PATJ: variants seen among roughly 807,000 people sequenced by gnomAD.
PATJ encodes inaD-like protein.
PATJ carries 190 observed loss-of-function variants against 224.9 expected under a neutral mutation model. The ratio of observed to expected loss-of-function variants is 0.84; its 90% CI spans 0.75 to 0.95. The LOEUF is 0.95. Ranked by LOEUF, PATJ falls within the 40% of genes least tolerant of loss-of-function variation. The pLI is 0.00. For missense variants in PATJ, 2,121 were observed against 2,270.3 expected (o/e 0.93, Z 1.34); for synonymous variants, 769 against 820.3 (o/e 0.94, Z 1.07).
At chr1:61,921,646 A>C (rs992905852) in intron 26 of PATJ, among the ~76,000 whole-genome samples, 1 of 152,206 alleles carries the variant, frequency 6.6e-6, no homozygotes, top group African/African-American at 2.4e-5. Context: ...TCAAGGGGGC[A>C]CTTGGGACTC....
intron 41 of PATJ, among the ~76,000 whole-genome samples, chr1:62,138,007 C>T (rs1223726950): frequency 6.6e-6 from 1 of 152,058 alleles, no homozygotes; most frequent in Non-Finnish European, 1.5e-5. Context: ...CTGTGGCCTC[C>T]CCCTCTTTGG....
chr1:62,139,664 C>T (rs1035843529), intron 41 of PATJ, among the ~76,000 whole-genome samples: 1 of 152,140 alleles, frequency 6.6e-6, no homozygotes, highest in Admixed American at 6.6e-5. Flanking sequence ...GAAGGTTTAA[C>T]TCTGCTGCCT....
At chr1:61,991,608 C>T in intron 28 of PATJ, 3 of 985,448 alleles carry the variant, frequency 3.0e-6, no homozygotes, top group Non-Finnish European at 3.6e-6. Flanking sequence ...ACCTTGGTTG[C>T]TTCTCCCCAC....
chr1:62,068,933 T>C (rs760611575), intron 31 of PATJ, among the ~76,000 whole-genome samples: 3 of 152,176 alleles, frequency 2.0e-5, no homozygotes, highest in African/African-American at 4.8e-5. Flanking sequence ...GTAAACACAT[T>C]AGAATGTCCC....
At position 61,769,409 on chromosome 1, in the gene PATJ, A is replaced by C; in HGVS notation, c.511A>C (p.Ser171Arg). The C allele has an allele frequency of 6.2e-7, 1 of 1,613,604 alleles. No individual in the cohort carries two copies. Among genetic ancestry groups the C allele is most frequent in the Non-Finnish European group, 8.5e-7 (1 of 1,179,888 alleles). The change falls in exon 5 of 44, where the codon AGT becomes CGT. Residue 171 changes from serine to arginine, a missense_variant. Transcript: ENST00000642238. ...DIFVKDVQPG[S>R]VADRDQRLKE... ...CTTCGTGAAGGATGTCCAGCCAGGG[A>C]GTGTAGCAGACAGGTGAGGAAGCTG...
At chr1:61,849,329 C>T (rs1366659908) in intron 17 of PATJ, among the ~76,000 whole-genome samples, 1 of 152,190 alleles carries the variant, frequency 6.6e-6, no homozygotes, top group Non-Finnish European at 1.5e-5. Flanking sequence ...GGCATAGTGG[C>T]TCATGCCTGT....
At chr1:61,993,990 G>T (rs1645211484) in intron 28 of PATJ, among the ~76,000 whole-genome samples, 1 of 151,986 alleles carries the variant, frequency 6.6e-6, no homozygotes, top group Non-Finnish European at 1.5e-5. Context: ...GATGGAATGA[G>T]CAAAAAGATT....
chr1:61,827,799 G>T (rs1174692356), intron 16 of PATJ, among the ~76,000 whole-genome samples: 1 of 152,124 alleles, frequency 6.6e-6, no homozygotes, highest in Non-Finnish European at 1.5e-5. Context: ...CAACATTGAT[G>T]CACATGGATT....
intron 43 of PATJ, among the ~76,000 whole-genome samples, chr1:62,154,070 A>G (rs1668908630): frequency 6.6e-6 from 1 of 151,842 alleles, no homozygotes; most frequent in South Asian, 2.1e-4. Context: ...TAATTTTTGT[A>G]TTTTTGGTAG....
chr1:61,902,330 G>A (rs988325823), intron 24 of PATJ, among the ~76,000 whole-genome samples: 2 of 151,624 alleles, frequency 1.3e-5, no homozygotes, highest in Admixed American at 6.6e-5. Context: ...GTGGGTATCT[G>A]TAATCCCATA....
chr1:61,880,251 A>G (rs1667912579), intron 21 of PATJ, among the ~76,000 whole-genome samples: 1 of 152,242 alleles, frequency 6.6e-6, no homozygotes, highest in Non-Finnish European at 1.5e-5. Context: ...TCCCAAGAAT[A>G]GGAACTTTGT....
chr1:61,853,911 T>G (rs932443492), intron 17 of PATJ, among the ~76,000 whole-genome samples: 5 of 152,134 alleles, frequency 3.3e-5, no homozygotes, highest in Non-Finnish European at 7.4e-5. Context: ...GTAAGAAAAT[T>G]TTGAAGAGTC....
chr1:61,950,683 A>G (rs1182753327), intron 27 of PATJ, among the ~76,000 whole-genome samples: 1 of 152,120 alleles, frequency 6.6e-6, no homozygotes, highest in Non-Finnish European at 1.5e-5. Flanking sequence ...TGTTCATTTC[A>G]CCAAATATTT....
At chr1:61,997,834 A>G (rs1645467708) in intron 28 of PATJ, among the ~76,000 whole-genome samples, 1 of 147,638 alleles carries the variant, frequency 6.8e-6, no homozygotes, top group Admixed American at 6.8e-5. Context: ...TAAAAAAAAA[A>G]AAGACAGGGT....
At chr1:62,103,234 T>A (rs1162406663) in intron 33 of PATJ, among the ~76,000 whole-genome samples, 1 of 152,156 alleles carries the variant, frequency 6.6e-6, no homozygotes, top group African/African-American at 2.4e-5. Context: ...GAGTACAGGC[T>A]TTGGTGTTAA....
At chr1:61,868,437 G>A (rs1665747596) in intron 20 of PATJ, among the ~76,000 whole-genome samples, 1 of 152,194 alleles carries the variant, frequency 6.6e-6, no homozygotes, top group South Asian at 2.1e-4. Context: ...CTTTCACTTA[G>A]TGTAATGTCT....
At chr1:62,126,259 G>T (rs543226471) in intron 39 of PATJ, among the ~76,000 whole-genome samples, 1 of 152,162 alleles carries the variant, frequency 6.6e-6, no homozygotes, top group South Asian at 2.1e-4. Context: ...AGCATTCACC[G>T]TACCTTTCCA....
intron 7 of PATJ, among the ~76,000 whole-genome samples, chr1:61,776,590 TTGCTATGTACTGAA>T (rs1646925253): frequency 6.6e-6 from 1 of 152,228 alleles, no homozygotes; most frequent in South Asian, 2.1e-4. Context: ...CCTAGCATTC[TTGCTATGTACTGAA>T]GTTTGATGGC....
rs377489788 is a variant in PATJ, at chr1:62,144,777, A to AAAAATATATAT, written c.5272-3506_5272-3505insAAATATATATA. Among the ~76,000 whole-genome samples the AAAAATATATAT allele has an allele frequency of 9.8e-4, 117 of 119,088 alleles. 1 individual carries two copies. Among genetic ancestry groups the AAAAATATATAT allele is most frequent in the Non-Finnish European group, 1.5e-3 (92 of 60,316 alleles). 78.1% of individuals were successfully genotyped at this position (119,088 alleles called of 152,430 possible). On this transcript the variant is annotated intron_variant, in intron 41 of 43. Transcript: ENST00000642238. ...TAGAATGTTATTTGCAAAAAAAAAAAATATATATATATATATATAATTAGC... is the reference window on the plus strand; with the variant it reads ...TAGAATGTTATTTGCAAAAAAAAAAAAAAATATATATATATATATATATATATATAATTAGC...
Sources: gnomAD v4.1 joint callset for allele counts (sites outside exome capture counted in the v4.1 genomes callset) on GRCh38, gnomAD v4.1.1 for gene constraint, MANE v1.5 for transcripts, NCBI Gene and HGNC (gene_info 2026-07-23, HGNC 2026-07-21) for gene names.